The following SPPL2B variants were observed in gnomAD, a reference collection of about 807,000 sequenced individuals.
SPPL2B encodes the protein signal peptide peptidase like 2B.
SPPL2B carries 39 observed loss-of-function variants against 59.7 expected under a neutral mutation model. The ratio of observed to expected loss-of-function variants is 0.65; its 90% CI spans 0.51 to 0.85. The LOEUF (loss-of-function observed/expected upper bound fraction) is 0.85. Ranked by LOEUF, SPPL2B falls within the 40% of genes least tolerant of loss-of-function variation. The pLI, the probability that SPPL2B is intolerant of heterozygous loss-of-function variation, is 0.00. For missense variants in SPPL2B, 865 were observed against 849.0 expected (o/e 1.02, Z -0.23); for synonymous variants, 419 against 370.8 (o/e 1.13, Z -1.49).
chr19:2,343,933 G>A (rs1165600085), intron 9 of SPPL2B, 32 bp from the exon 10 acceptor site: 17 of 1,530,138 alleles, frequency 1.1e-5, no homozygotes, highest in Non-Finnish European at 1.5e-5. Context: ...ACGGGCCGGG[G>A]TGGGGGCCGC....
At chr19:2,350,318 T>TC (rs1555757929) in intron 13 of SPPL2B, among the ~76,000 whole-genome samples, 2 of 131,384 alleles carry the variant, frequency 1.5e-5, no homozygotes, top group African/African-American at 6.1e-5. Context: ...CTTGACTCCG[T>TC]TCTCTCTCCA....
chr19:2,344,683 C>T (rs370119472), intron 12 of SPPL2B, 31 bp downstream of exon 12: 13 of 1,434,540 alleles, frequency 9.1e-6, no homozygotes, highest in Middle Eastern at 1.8e-4. Flanking sequence ...CACGGGTCCA[C>T]GCTGTGGGGC....
chr19:2,352,759 G>A (rs12609208), intron 14 of SPPL2B, among the ~76,000 whole-genome samples, 187 bp from the exon 15 acceptor site: 12,093 of 152,238 alleles, frequency 0.079, 607 homozygotes, highest in South Asian at 0.17. Context: ...CACCTGTGCC[G>A]ATGGACAGGG....
chr19:2,344,474 C>G, intron 11 of SPPL2B, 50 bp downstream of exon 11: 5 of 1,564,474 alleles, frequency 3.2e-6, no homozygotes, highest in Non-Finnish European at 4.4e-6. Flanking sequence ...CAAGGTGTTG[C>G]GCGGAGCGGA....
rs369474483 is a variant in SPPL2B at position 2,339,098 on chromosome 19, G to A, written c.489G>A (p.Leu163=). ...TRFGRTVRAA[L]YAPKEPVLDY... is the part of the protein sequence containing the mutation. The stretch of plus-strand genomic sequence containing the variant: ...TCGGCCGCACGGTGAGGGCGGCGCT[G>A]TATGCGCCTAAGGAGCCGGTGCTGG... The change falls in exon 5 of 15, where the codon CTG becomes CTA. Residue 163 remains leucine (L), a synonymous_variant. Transcript: ENST00000613503. The A allele has an allele frequency of 5.7e-6, 9 of 1,570,406 alleles. No individual in the cohort carries two copies. In the African/African-American group the frequency reaches 1.1e-4, roughly 19 times the overall value.
At chr19:2,346,782 G>T (rs1463250889) in intron 13 of SPPL2B, among the ~76,000 whole-genome samples, 1 of 152,216 alleles carries the variant, frequency 6.6e-6, no homozygotes. Context: ...AGCCGCTGAG[G>T]CTTTATAGGT....
intron 10 of SPPL2B, 38 bp downstream of exon 10, chr19:2,344,077 C>A (rs755858226): frequency 1.4e-6 from 2 of 1,427,208 alleles, no homozygotes; most frequent in South Asian, 1.3e-5. Context: ...CCCATCACCC[C>A]GCTCCCCCGC....
In SPPL2B at chr19:2,343,195, C is replaced by G. The variant is rs1227738978; in HGVS notation, c.957-16C>G. ...GCCAGCCTCTGCCCCGGCGAGGATG[C>G]TGCTTTGTCTTGCAGGTGGGCCTGG... On this transcript the variant is annotated splice_polypyrimidine_tract_variant and intron_variant, in intron 8 of 14. Coordinates refer to ENST00000613503, the MANE Select transcript of SPPL2B (RefSeq NM_152988.3). 19 of 1,550,842 alleles carry G rather than the reference C, an allele frequency of 1.2e-5. No homozygotes were observed. Among genetic ancestry groups the G allele is most frequent in the South Asian group, 2.4e-5 (2 of 84,152 alleles).
At chr19:2,345,164 C>T (rs1969293983) in intron 12 of SPPL2B, 89 bp from the exon 13 acceptor site, 6 of 1,079,280 alleles carry the variant, frequency 5.6e-6, no homozygotes, top group Non-Finnish European at 7.0e-6. Flanking sequence ...ACGGCGCCCA[C>T]AGGTGCTCAG....
intron 3 of SPPL2B, 23 bp downstream of exon 3, chr19:2,337,648 C>T (rs749157226): frequency 2.0e-6 from 3 of 1,525,366 alleles, no homozygotes; most frequent in Admixed American, 3.8e-5. Context: ...GCGTCCCCCG[C>T]TGGGCCAGCT....
intron 5 of SPPL2B, 65 bp from the exon 6 acceptor site, chr19:2,339,759 G>A: frequency 6.4e-7 from 1 of 1,558,224 alleles, no homozygotes; most frequent in Non-Finnish European, 8.7e-7. Context: ...GGGTGGCTGT[G>A]GGCTCCCGAG....
intron 13 of SPPL2B, among the ~76,000 whole-genome samples, chr19:2,351,067 T>A (rs1568455654): frequency 6.6e-6 from 1 of 152,214 alleles, no homozygotes; most frequent in African/African-American, 2.4e-5. Context: ...GCTGATTTTC[T>A]CAGAGGTTCA....
Position 2,339,806 on chromosome 19 carries a change from C to G in SPPL2B, c.600-18C>G. The G allele has an allele frequency of 6.2e-7, 1 of 1,601,546 alleles. No homozygotes were observed. Among genetic ancestry groups the G allele is most frequent in the Non-Finnish European group, 8.5e-7 (1 of 1,174,448 alleles). ...CCAGCCGGCCCCAGGGCCCCACGAC[C>G]CCATGGTGTCTCCCAAGAAGGTACA... On this transcript the variant is annotated intron_variant, in intron 5 of 14. Transcript: ENST00000613503.
chr19:2,333,537 C>G (rs1968400775), intron 1 of SPPL2B, among the ~76,000 whole-genome samples: 1 of 152,218 alleles, frequency 6.6e-6, no homozygotes, highest in Admixed American at 6.5e-5. Flanking sequence ...AGGTGGGGGT[C>G]GTCCCTTCTG....
chr19:2,340,022 G>T, intron 6 of SPPL2B, 54 bp from the exon 7 acceptor site: 1 of 1,558,504 alleles, frequency 6.4e-7, no homozygotes, highest in East Asian at 2.4e-5. Flanking sequence ...GCCCCGTGCG[G>T]AGGGAGGGTG....
At chr19:2,340,701 G>C (rs1216299617) in intron 7 of SPPL2B, among the ~76,000 whole-genome samples, 197 bp from the exon 8 acceptor site, 1 of 152,154 alleles carries the variant, frequency 6.6e-6, no homozygotes, top group Non-Finnish European at 1.5e-5. Flanking sequence ...GTGGCCCCCA[G>C]CGCCTGCCCG....
chr19:2,340,557 C>G (rs1968968689), intron 7 of SPPL2B: 1 of 566,036 alleles, frequency 1.8e-6, no homozygotes, highest in South Asian at 1.8e-5. Context: ...AGACCTGGGT[C>G]TAGGAAGCGG....
rs1968342468 is a variant in SPPL2B, at chr19:2,332,580, G to A, written c.67-2022G>A. Among the ~76,000 whole-genome samples the A allele has an allele frequency of 6.6e-6, 1 of 152,310 alleles. No individual in the cohort carries two copies. The highest frequency in any genetic ancestry group is 2.1e-4 in the South Asian group (1 of 4,828). ...TTTGTTTCCGTGACAGGTCCCCTGG[G>A]GACCAGGGGGTGCGGCTGTCTCTCT... On this transcript the variant is annotated intron_variant, in intron 1 of 14. Coordinates refer to ENST00000613503, the MANE Select transcript of SPPL2B (RefSeq NM_152988.3). This position sits in a 1 kb window ranked among gnomAD's most constrained non-coding sequence, Gnocchi z 4.6.
At chr19:2,340,512 G>A in intron 7 of SPPL2B, 1 of 601,406 alleles carries the variant, frequency 1.7e-6, no homozygotes, top group Non-Finnish European at 3.1e-6. Context: ...GCTCTTAGGG[G>A]TAAAGGGAGC....
Sources: allele counts gnomAD v4.1 joint callset (sites outside exome capture counted in the v4.1 genomes callset), GRCh38; gene constraint gnomAD v4.1.1; non-coding constraint Gnocchi (gnomAD v3.1); transcripts MANE v1.5; gene names NCBI Gene and HGNC (gene_info 2026-07-23, HGNC 2026-07-21).